MAP1B: variants seen among roughly 807,000 people sequenced by gnomAD.
MAP1B encodes microtubule associated protein 1B, also known as microtubule-associated protein 1B.
MAP1B carries 12 observed loss-of-function variants against 176.1 expected under a neutral mutation model. The observed-to-expected ratio is 0.07, with a 90% CI of 0.04 to 0.11. MAP1B has a LOEUF of 0.11. Ranked by LOEUF, MAP1B falls within the 10% of genes least tolerant of loss-of-function variation. MAP1B has a pLI of 1.00. For synonymous variants in MAP1B, 1,044 were observed against 1,135.0 expected (o/e 0.92, Z 1.61); for missense variants, 2,523 against 2,990.5 (o/e 0.84, Z 3.65).
chr5:72,145,923 G>C (rs1746037212), intron 2 of MAP1B, among the ~76,000 whole-genome samples: 1 of 152,222 alleles, frequency 6.6e-6, no homozygotes, highest in African/African-American at 2.4e-5. Context: ...TCATTGAGGA[G>C]TGAAGTAAGA....
chr5:72,171,887 G>A (rs1361587636), intron 2 of MAP1B, among the ~76,000 whole-genome samples: 1 of 152,202 alleles, frequency 6.6e-6, no homozygotes, highest in Admixed American at 6.5e-5. Flanking sequence ...AAGAGGAAAT[G>A]CGTAGGTGCT....
At chr5:72,202,809 C>T (rs1182417072) in intron 5 of MAP1B, among the ~76,000 whole-genome samples, 2 of 152,190 alleles carry the variant, frequency 1.3e-5, no homozygotes, top group Non-Finnish European at 2.9e-5. Flanking sequence ...AGTTAGTTTT[C>T]CCAGACCTTT....
At chr5:72,108,838 T>A (rs1745215188) in intron 1 of MAP1B, among the ~76,000 whole-genome samples, 1 of 152,174 alleles carries the variant, frequency 6.6e-6, no homozygotes, top group Non-Finnish European at 1.5e-5. Flanking sequence ...GTCTCTGCCT[T>A]TCCCTTTATC....
At chr5:72,163,706 G>C (rs76898883) in intron 2 of MAP1B, among the ~76,000 whole-genome samples, 2 of 152,078 alleles carry the variant, frequency 1.3e-5, no homozygotes, top group African/African-American at 4.8e-5. Flanking sequence ...TTTGGGGAGG[G>C]TGAATGTGTG....
intron 2 of MAP1B, among the ~76,000 whole-genome samples, chr5:72,182,963 G>T (rs775256565): frequency 2.0e-5 from 3 of 152,156 alleles, no homozygotes; most frequent in Non-Finnish European, 2.9e-5. Flanking sequence ...ATCCACTTTG[G>T]CTGGAGGGCT....
Position 72,197,846 on chromosome 5 carries a change from A to G in MAP1B, c.4491A>G (p.Leu1497=), listed in dbSNP as rs976318900. 6.2e-7 allele frequency: 1 copy of G among 1,614,120 alleles called. No individual in the cohort carries two copies. Among genetic ancestry groups the G allele is most frequent in the Non-Finnish European group, 8.5e-7 (1 of 1,180,048 alleles). The change falls in exon 5 of 7, where the codon TTA becomes TTG. Residue 1497 remains leucine (L), a synonymous_variant. Transcript: ENST00000296755. ...QPALALDERK[L]GDVSPTQIDV... is the part of the protein sequence containing the mutation. ...CACTGGCTCTGGATGAAAGGAAATT[A>G]GGAGATGTTTCTCCCACACAAATAG...
Position 72,204,623 on chromosome 5 carries a change from A to T in MAP1B, c.7252-461A>T, listed in dbSNP as rs1408635440. On this transcript the variant is annotated intron_variant, in intron 6 of 6. Coordinates refer to ENST00000296755, the MANE Select transcript of MAP1B (RefSeq NM_005909.5). The surrounding 1 kb of genome is among the most constrained non-coding windows in gnomAD (Gnocchi z 4.4). ...TTACCCACCCCATACCTCCATCCCC[A>T]ACCACACACATAAAGTAAAGGTGCA... Among the ~76,000 whole-genome samples, 3 of 152,188 alleles carry T rather than the reference A, an allele frequency of 2.0e-5. No homozygotes were observed. Among genetic ancestry groups the T allele is most frequent in the Non-Finnish European group, 4.4e-5 (3 of 68,042 alleles).
rs1201348047 is a variant in MAP1B, at chr5:72,197,189, C to A, written c.3834C>A (p.Asn1278Lys). ...CCCCCCTGGGTGAACGTAGTGTGAA[C>A]TTCTCTCTGACGCCCAATGAGATTA... ...EKTPLGERSVNFSLTPNEIKV... is the reference protein window; with the variant it reads ...EKTPLGERSVKFSLTPNEIKV... Residue 1278 changes from asparagine (N) to lysine (K), a missense_variant, in exon 5 of 7, where the codon AAC (asparagine) becomes AAA (lysine). By Grantham distance (94) the Asn-to-Lys change is moderately conservative. Coordinates refer to ENST00000296755, the MANE Select transcript of MAP1B (RefSeq NM_005909.5). 6.2e-7 allele frequency: 1 copy of A among 1,614,074 alleles called. No individual in the cohort carries two copies. Among genetic ancestry groups the A allele is most frequent in the Non-Finnish European group, 8.5e-7 (1 of 1,180,034 alleles).
At chr5:72,190,274 G>A (rs908503298) in intron 4 of MAP1B, among the ~76,000 whole-genome samples, 1 of 152,098 alleles carries the variant, frequency 6.6e-6, no homozygotes, top group African/African-American at 2.4e-5. Flanking sequence ...ATAATTTAAG[G>A]GCTCTTTTTT....
At chr5:72,174,054 C>G in intron 2 of MAP1B, among the ~76,000 whole-genome samples, 1 of 152,264 alleles carries the variant, frequency 6.6e-6, no homozygotes, top group Non-Finnish European at 1.5e-5. Context: ...CACTTCAGCC[C>G]GGGAGGTTAA....
intron 2 of MAP1B, among the ~76,000 whole-genome samples, chr5:72,179,151 C>T (rs914711903): frequency 2.6e-5 from 4 of 152,140 alleles, no homozygotes; most frequent in African/African-American, 7.2e-5. Flanking sequence ...GCCCCCGCCC[C>T]GCCACCCAGG....
chr5:72,201,124 A>G (rs1228282259), intron 5 of MAP1B, among the ~76,000 whole-genome samples: 1 of 152,104 alleles, frequency 6.6e-6, no homozygotes, highest in Admixed American at 6.5e-5. Flanking sequence ...GCACTTTGGG[A>G]GGCTGAGATG....
chr5:72,150,052 G>T (rs571577745), intron 2 of MAP1B, among the ~76,000 whole-genome samples: 1 of 152,136 alleles, frequency 6.6e-6, no homozygotes, highest in South Asian at 2.1e-4. Context: ...GGCCATTTCC[G>T]CATCTTTTAC....
intron 2 of MAP1B, among the ~76,000 whole-genome samples, chr5:72,181,272 A>G (rs1746759478): frequency 6.6e-6 from 1 of 152,096 alleles, no homozygotes; most frequent in South Asian, 2.1e-4. Flanking sequence ...GAGTATTTCA[A>G]CATGTTGCTG....
chr5:72,208,051 A>T lies in MAP1B; in HGVS notation c.*2812A>T, dbSNP rs1747492778. ...GTCAGCTGGCTCTTTTTCCTATGAA[A>T]TCTATCAGTACCTTTCTCCATCCGT... is the stretch of plus-strand genomic sequence containing the variant. On this transcript the variant is annotated 3_prime_UTR_variant, in exon 7 of 7. Transcript: ENST00000296755. 1 of 134,496 alleles carries T rather than the reference A, an allele frequency of 7.4e-6. No individual in the cohort carries two copies. The highest frequency in any genetic ancestry group is 2.4e-4 in the South Asian group (1 of 4,200). The allele number at this position is 134,496 out of a possible 1,614,324, so 8.3% of individuals were successfully genotyped here.
intron 2 of MAP1B, among the ~76,000 whole-genome samples, chr5:72,139,174 C>T (rs183458670): frequency 4.6e-5 from 7 of 152,248 alleles, no homozygotes; most frequent in Admixed American, 1.3e-4. Flanking sequence ...CGAAAAGCCA[C>T]GGATGTCAGT....
chr5:72,127,124 G>T (rs114637202), intron 2 of MAP1B, among the ~76,000 whole-genome samples: 11 of 152,350 alleles, frequency 7.2e-5, no homozygotes, highest in African/African-American at 2.6e-4. Flanking sequence ...TTATCTGCAG[G>T]TTGAAGGTGT....
intron 2 of MAP1B, among the ~76,000 whole-genome samples, chr5:72,180,396 G>A (rs1443609056): frequency 1.3e-5 from 2 of 152,132 alleles, no homozygotes; most frequent in African/African-American, 2.4e-5. Flanking sequence ...TGAAGCTCTT[G>A]AAATCTTTGT....
In MAP1B at chr5:72,186,860, G is replaced by A. The variant is rs752149877; in HGVS notation, c.510+106G>A. 5.9e-6 allele frequency: 8 copies of A among 1,360,682 alleles called. No individual in the cohort carries two copies. The South Asian group carries it at 1.0e-4, about 17-fold the overall frequency. The allele number at this position is 1,360,682 out of a possible 1,614,324, so 84.3% of individuals were successfully genotyped here. ...AAAGAAGAAGGGAGGGAACCTCACA[G>A]CTCTCCTGAAATAAGCAAAACTGCA... is the stretch of plus-strand genomic sequence containing the variant. On this transcript the variant is annotated intron_variant, in intron 4 of 6. Coordinates refer to ENST00000296755, the MANE Select transcript of MAP1B (RefSeq NM_005909.5). This position sits in a 1 kb window ranked among gnomAD's most constrained non-coding sequence, Gnocchi z 4.3.
Sources: gnomAD v4.1 joint callset for allele counts (sites outside exome capture counted in the v4.1 genomes callset) on GRCh38, gnomAD v4.1.1 for gene constraint, Gnocchi (gnomAD v3.1) non-coding constraint, MANE v1.5 for transcripts, NCBI Gene and HGNC (gene_info 2026-07-23, HGNC 2026-07-21) for gene names.